CATSPERD: variants seen among roughly 807,000 people sequenced by gnomAD.
CATSPERD encodes the protein cation channel sperm-associated auxiliary subunit delta.
Under a neutral mutation model 98.1 loss-of-function variants are expected in CATSPERD, and 86 were observed. That is an observed-to-expected ratio of 0.88 (90% CI 0.74 to 1.05). CATSPERD has a LOEUF of 1.05. Ranked by LOEUF, CATSPERD falls within the 50% of genes least tolerant of loss-of-function variation. The pLI is 0.00. For missense variants in CATSPERD, 995 were observed against 1,005.7 expected (o/e 0.99, Z 0.14); for synonymous variants, 394 against 390.2 (o/e 1.01, Z -0.12).
intron 6 of CATSPERD, 27 bp from the exon 7 acceptor site, chr19:5,739,287 ATCTTTCTTTCAT>A: frequency 9.8e-7 from 1 of 1,017,558 alleles, no homozygotes; most frequent in Non-Finnish European, 1.5e-6. Flanking sequence ...ACTTGCTGGC[ATCTTTCTTTCAT>A]TCTTTCTTTC....
At chr19:5,762,058 A>ATATATATATATATATTTTT in intron 15 of CATSPERD, among the ~76,000 whole-genome samples, 8 of 10,432 alleles carry the variant, frequency 7.7e-4, no homozygotes, top group African/African-American at 2.3e-3. Context: ...ATATATATAT[A>ATATATATATATATATTTTT]TTTTTTTTTT....
At chr19:5,757,415 G>A (rs933540045) in intron 13 of CATSPERD, among the ~76,000 whole-genome samples, 33 of 149,510 alleles carry the variant, frequency 2.2e-4, no homozygotes, top group African/African-American at 4.7e-4. Context: ...CTCTTGCCTC[G>A]GGCTCCCGAG....
chr19:5,732,957 G>C (rs971915073), intron 4 of CATSPERD, among the ~76,000 whole-genome samples: 1 of 151,712 alleles, frequency 6.6e-6, no homozygotes, highest in Non-Finnish European at 1.5e-5. Flanking sequence ...TATTACAGGC[G>C]TGAGCCACCA....
intron 17 of CATSPERD, among the ~76,000 whole-genome samples, chr19:5,767,048 T>C (rs1426742525): frequency 6.7e-6 from 1 of 149,650 alleles, no homozygotes; most frequent in African/African-American, 2.4e-5. Context: ...CCGGGCACGG[T>C]GGCTCACGCC....
At chr19:5,773,038 C>T (rs1568376278) in intron 20 of CATSPERD, 73 bp downstream of exon 20, 23 of 1,458,490 alleles carry the variant, frequency 1.6e-5, no homozygotes, top group Admixed American at 1.2e-4. Context: ...GTGAGGACAC[C>T]GTGCGGCCAT....
intron 13 of CATSPERD, 21 bp from the exon 14 acceptor site, chr19:5,757,822 G>A: frequency 1.2e-6 from 2 of 1,603,334 alleles, no homozygotes; most frequent in Non-Finnish European, 1.7e-6. Flanking sequence ...TACAGCCTGA[G>A]CTTCTCTCCC....
Position 5,763,330 on chromosome 19 carries a change from C to T in CATSPERD, c.1506+37C>T, listed in dbSNP as rs778997602. On this transcript the variant is annotated intron_variant, in intron 16 of 21. Transcript: ENST00000381624. The stretch of plus-strand genomic sequence containing the variant: ...ATCTTTGCTGTCCCATATTCGGTGT[C>T]ATAAGTGTTAAGACTCATGGAAGCT... The T allele has an allele frequency of 6.4e-6, 10 of 1,557,026 alleles. No individual in the cohort carries two copies. The Admixed American group carries it at 1.0e-4, about 16-fold the overall frequency.
At chr19:5,775,144 G>T in intron 20 of CATSPERD, 1 of 410,764 alleles carries the variant, frequency 2.4e-6, no homozygotes. Flanking sequence ...ACTTGAGACG[G>T]TCACTACAAC....
chr19:5,726,985 A>G (rs2055617063), intron 2 of CATSPERD, among the ~76,000 whole-genome samples: 1 of 152,092 alleles, frequency 6.6e-6, no homozygotes, highest in Admixed American at 6.6e-5. Flanking sequence ...CAAGGTCAGG[A>G]GATCGAGACC....
In CATSPERD at chr19:5,778,522, G is replaced by T. The variant is rs114675826; in HGVS notation, c.2243G>T (p.Arg748Leu). 21 of 1,613,880 alleles carry T rather than the reference G, an allele frequency of 1.3e-5. No individual in the cohort carries two copies. Among genetic ancestry groups the T allele is most frequent in the Admixed American group, 6.7e-5 (4 of 59,978 alleles). The change falls in exon 22 of 22, where the codon CGC becomes CTC. Residue 748 changes from arginine (R) to leucine (L), a missense_variant. Coordinates refer to ENST00000381624, the MANE Select transcript of CATSPERD (RefSeq NM_152784.4). The stretch of plus-strand genomic sequence containing the variant: ...GCCTACAAGACCCCCAAGCTGCTAC[G>T]CACAGCACGCGGCCGCAGGATCAAG... ...WLAYKTPKLL[R>L]TARGRRIKKC...
chr19:5,724,179 A>C lies in CATSPERD; in HGVS notation c.72-629A>C, dbSNP rs372473527. On this transcript the variant is annotated intron_variant, in intron 1 of 21. Transcript: ENST00000381624. Reference sequence around the variant, plus strand: ...GACCTCAGCTGATCCACCCACCTTGACCTCCCAAAGCGCTGGGATTACAGG... The same window carrying C: ...GACCTCAGCTGATCCACCCACCTTGCCCTCCCAAAGCGCTGGGATTACAGG... 4.7e-3 allele frequency among the ~76,000 whole-genome samples: 705 copies of C among 149,734 alleles called. 7 individuals are homozygous for C. Among genetic ancestry groups the C allele is most frequent in the Non-Finnish European group, 6.5e-3 (437 of 67,422 alleles).
intron 21 of CATSPERD, among the ~76,000 whole-genome samples, chr19:5,777,667 G>C (rs2056759991): frequency 6.6e-6 from 1 of 152,136 alleles, no homozygotes; most frequent in Admixed American, 6.6e-5. Flanking sequence ...TGGATCACTT[G>C]AAGTCAGGAG....
intron 15 of CATSPERD, among the ~76,000 whole-genome samples, chr19:5,762,058 A>ATATATATTTTTTTTTTTTTTTTTT: frequency 9.6e-5 from 1 of 10,442 alleles, no homozygotes; most frequent in African/African-American, 3.3e-4. Context: ...ATATATATAT[A>ATATATATTTTTTTTTTTTTTTTTT]TTTTTTTTTT....
At chr19:5,765,955 C>T in intron 16 of CATSPERD, 148 bp from the exon 17 acceptor site, 1 of 485,980 alleles carries the variant, frequency 2.1e-6, no homozygotes, top group Non-Finnish European at 3.6e-6. Flanking sequence ...AGTTACGGTG[C>T]ATCCCAGGCA....
chr19:5,751,412 T>C (rs1002829828), intron 11 of CATSPERD, among the ~76,000 whole-genome samples: 15 of 143,684 alleles, frequency 1.0e-4, no homozygotes, highest in African/African-American at 1.6e-4. Flanking sequence ...TGCGCGTCTG[T>C]AGTCCCAGCT....
chr19:5,731,840 G>A (rs1388596221), intron 4 of CATSPERD, among the ~76,000 whole-genome samples: 1 of 152,082 alleles, frequency 6.6e-6, no homozygotes, highest in Non-Finnish European at 1.5e-5. Flanking sequence ...CTCCCAAAGA[G>A]CTGGGATTAC....
At chr19:5,720,989 T>C (rs1053208823) in intron 1 of CATSPERD, among the ~76,000 whole-genome samples, 181 bp downstream of exon 1, 1 of 147,528 alleles carries the variant, frequency 6.8e-6, no homozygotes, top group African/African-American at 2.5e-5. Context: ...GATATTAAGC[T>C]CTCCTACCTC....
intron 7 of CATSPERD, among the ~76,000 whole-genome samples, chr19:5,741,832 C>T (rs1024620639): frequency 2.0e-4 from 24 of 119,998 alleles, no homozygotes; most frequent in African/African-American, 7.3e-4. Context: ...GAGTTCAAGA[C>T]CAGCCAAGCC....
rs138643341 is a variant in CATSPERD at position 5,722,288 on chromosome 19, A to G, written c.71+1480A>G. ...GGGCGCCTGCCACCACGTGCAGCTAATTTTTTGTGTTTTTAGTAGAGACAG... is the reference window on the plus strand; with the variant it reads ...GGGCGCCTGCCACCACGTGCAGCTAGTTTTTTGTGTTTTTAGTAGAGACAG... On this transcript the variant is annotated intron_variant, in intron 1 of 21. Coordinates refer to ENST00000381624, the MANE Select transcript of CATSPERD (RefSeq NM_152784.4). Among the ~76,000 whole-genome samples, 33 of 152,058 alleles carry G rather than the reference A, an allele frequency of 2.2e-4. No individual in the cohort carries two copies. The East Asian group carries it at 5.6e-3, about 26-fold the overall frequency.
Sources: gnomAD v4.1 joint callset for allele counts (sites outside exome capture counted in the v4.1 genomes callset) on GRCh38, gnomAD v4.1.1 for gene constraint, MANE v1.5 for transcripts, NCBI Gene and HGNC (gene_info 2026-07-23, HGNC 2026-07-21) for gene names.